Variants in ABLIM1 observed in about 807,000 individuals in gnomAD.
ABLIM1 encodes the protein actin binding LIM protein 1.
ABLIM1 carries 40 observed loss-of-function variants against 107.0 expected under a neutral mutation model. That is an observed-to-expected ratio of 0.37 (90% CI 0.29 to 0.49). The LOEUF (loss-of-function observed/expected upper bound fraction) is 0.49. ABLIM1 is among the 20% of genes least tolerant of loss of function. The pLI is 0.97. For synonymous variants in ABLIM1, 357 were observed against 357.3 expected (o/e 1.00, Z 0.01); for missense variants, 857 against 1,008.5 (o/e 0.85, Z 2.04).
the ABLIM1 span, among the ~76,000 whole-genome samples, chr10:114,798,150 G>A: frequency 6.6e-6 from 1 of 152,220 alleles, no homozygotes; most frequent in Non-Finnish European, 1.5e-5. Flanking sequence ...GCCGGGCGCG[G>A]TGGCTCATGC....
intron 6 of ABLIM1, among the ~76,000 whole-genome samples, chr10:114,519,106 G>A (rs1193334535): frequency 2.0e-5 from 3 of 152,192 alleles, no homozygotes; most frequent in Admixed American, 6.5e-5. Flanking sequence ...ACAGCAAGCA[G>A]AGAAGTAGTT....
intron 4 of ABLIM1, among the ~76,000 whole-genome samples, chr10:114,550,279 G>T (rs2067893259): frequency 6.6e-6 from 1 of 151,926 alleles, no homozygotes; most frequent in African/African-American, 2.4e-5. Flanking sequence ...CTCACATCTG[G>T]TAGTTTACTA....
At chr10:114,459,496 T>C (rs2063451264) in intron 12 of ABLIM1, among the ~76,000 whole-genome samples, 1 of 152,232 alleles carries the variant, frequency 6.6e-6, no homozygotes, top group South Asian at 2.1e-4. Flanking sequence ...AATCCACATT[T>C]AGCCAAATAC....
intron 1 of ABLIM1, among the ~76,000 whole-genome samples, chr10:114,718,062 A>AAAGAAAGG (rs1555227709): frequency 2.1e-5 from 1 of 47,512 alleles, no homozygotes; most frequent in African/African-American, 7.6e-5. Flanking sequence ...AGAAAGAAAG[A>AAAGAAAGG]AAGGAAGAAA....
chr10:114,674,686 A>C (rs1250580441), intron 1 of ABLIM1, among the ~76,000 whole-genome samples: 4 of 151,638 alleles, frequency 2.6e-5, no homozygotes, highest in Non-Finnish European at 5.9e-5. Context: ...AAAAGATCTG[A>C]GCTATCTTAA....
intron 2 of ABLIM1, among the ~76,000 whole-genome samples, chr10:114,585,923 C>A (rs2074138319): frequency 6.6e-6 from 1 of 152,192 alleles, no homozygotes; most frequent in Non-Finnish European, 1.5e-5. Flanking sequence ...TTACTGAAGG[C>A]AAAGACCACT....
chr10:114,728,203 A>C (rs2081998462), intron 1 of ABLIM1, among the ~76,000 whole-genome samples: 2 of 152,254 alleles, frequency 1.3e-5, no homozygotes, highest in South Asian at 4.1e-4. Flanking sequence ...AAGATTTTGC[A>C]TACTCAAACT....
chr10:114,755,371 G>T (rs763861636), intron 1 of ABLIM1, among the ~76,000 whole-genome samples: 1 of 152,198 alleles, frequency 6.6e-6, no homozygotes, highest in Non-Finnish European at 1.5e-5. Context: ...AAAGGTTGGG[G>T]ACTGATGTTC....
the ABLIM1 span, among the ~76,000 whole-genome samples, chr10:114,774,108 C>T: frequency 6.6e-6 from 1 of 151,952 alleles, no homozygotes; most frequent in Non-Finnish European, 1.5e-5. Flanking sequence ...ACACCCTTAA[C>T]TACAGTTAGA....
chr10:114,616,527 T>C (rs528695314), intron 1 of ABLIM1, among the ~76,000 whole-genome samples: 14 of 152,370 alleles, frequency 9.2e-5, no homozygotes, highest in Non-Finnish European at 2.1e-4. Context: ...ACAGTAGAGC[T>C]TACTGGCCAC....
At chr10:114,503,505 C>A (rs1418551980) in intron 6 of ABLIM1, among the ~76,000 whole-genome samples, 1 of 152,016 alleles carries the variant, frequency 6.6e-6, no homozygotes, top group African/African-American at 2.4e-5. Flanking sequence ...ATGAAAATTC[C>A]TGCCCATGTC....
intron 1 of ABLIM1, among the ~76,000 whole-genome samples, chr10:114,608,623 C>T (rs1422158245): frequency 2.6e-5 from 4 of 151,426 alleles, no homozygotes; most frequent in Non-Finnish European, 4.4e-5. Context: ...GAGCCGAGAT[C>T]GTGCCATTGC....
chr10:114,697,975 A>G (rs72831074), intron 1 of ABLIM1, among the ~76,000 whole-genome samples: 4,501 of 151,674 alleles, frequency 0.03, 91 homozygotes, highest in Non-Finnish European at 0.047. Flanking sequence ...CTATAGAGGA[A>G]AATTACACCA....
intron 6 of ABLIM1, among the ~76,000 whole-genome samples, chr10:114,514,935 T>A (rs17091994): frequency 0.14 from 21,904 of 152,190 alleles, 1,756 homozygotes; most frequent in Middle Eastern, 0.18. Context: ...ATTATTAGTA[T>A]AGTCACCATG....
At chr10:114,645,463 C>G (rs1327084064) in intron 1 of ABLIM1, among the ~76,000 whole-genome samples, 1 of 151,790 alleles carries the variant, frequency 6.6e-6, no homozygotes, top group African/African-American at 2.4e-5. Context: ...CTCGCAGAGT[C>G]TCTTTTTTTT....
At chr10:114,519,384 C>T (rs1347831754) in intron 6 of ABLIM1, among the ~76,000 whole-genome samples, 3 of 152,180 alleles carry the variant, frequency 2.0e-5, no homozygotes, top group African/African-American at 7.2e-5. Context: ...TGGTGCAAGG[C>T]CAGGTCCGGG....
At chr10:114,610,847 T>C (rs1328318879) in intron 1 of ABLIM1, 1 of 152,216 alleles carries the variant, frequency 6.6e-6, no homozygotes, top group Non-Finnish European at 1.5e-5. Flanking sequence ...CTTGTGGCTT[T>C]CACCAGTTAA....
At position 114,519,454 on chromosome 10, in the gene ABLIM1, G is replaced by A. The variant is rs546854709; in HGVS notation, c.894+25551C>T. ...CCCAGCACATGTTGGGTGTGAGCGA[G>A]TGCAGATTAGGCAAGGCCCCAATTA... On this transcript the variant is annotated intron_variant, in intron 6 of 22. Transcript: ENST00000533213. 4.1e-4 allele frequency among the ~76,000 whole-genome samples: 62 copies of A among 152,308 alleles called. 1 individual carries two copies. The highest frequency in any genetic ancestry group is 1.5e-3 in the African/African-American group (61 of 41,554).
chr10:114,763,408 A>ATT (rs34533222), intron 1 of ABLIM1, among the ~76,000 whole-genome samples: 1,906 of 151,310 alleles, frequency 0.013, 51 homozygotes, highest in African/African-American at 0.043. Context: ...ATTGATAGTG[A>ATT]TTTTTTTTTG....
Sources: gnomAD v4.1 joint callset for allele counts (sites outside exome capture counted in the v4.1 genomes callset) on GRCh38, gnomAD v4.1.1 for gene constraint, MANE v1.5 for transcripts, NCBI Gene and HGNC (gene_info 2026-07-23, HGNC 2026-07-21) for gene names.